The following TMEFF2 variants were observed in gnomAD, a reference collection of about 807,000 sequenced individuals.
TMEFF2 encodes the protein transmembrane protein with EGF like and two follistatin like domains 2, also known as tomoregulin-2.
Under a neutral mutation model 53.8 loss-of-function variants are expected in TMEFF2, and 28 were observed. The ratio of observed to expected loss-of-function variants is 0.52; its 90% CI spans 0.39 to 0.71. The LOEUF (loss-of-function observed/expected upper bound fraction) is 0.71, where lower values mean the gene tolerates loss of function less well. Among genes scored for constraint, TMEFF2 ranks in the 30% least tolerant of loss-of-function variants. The probability of loss-of-function intolerance (pLI) is 0.00; values close to 1 mark genes in which losing one functional copy is unlikely to be tolerated. For synonymous variants in TMEFF2, 162 were observed against 166.3 expected (o/e 0.97, Z 0.20); for missense variants, 353 against 455.2 (o/e 0.78, Z 2.04).
At chr2:192,026,035 GA>G (rs536933026) in intron 5 of TMEFF2, among the ~76,000 whole-genome samples, 5 of 151,930 alleles carry the variant, frequency 3.3e-5, no homozygotes, top group East Asian at 1.9e-4. Context: ...AAATGGTAAA[GA>G]AAAAAAATAC....
rs186198871 is a variant in TMEFF2, at chr2:192,130,975, G to A, written c.439+48693C>T. On this transcript the variant is annotated intron_variant, in intron 4 of 9. Transcript: ENST00000272771. The stretch of plus-strand genomic sequence containing the variant: ...CAGGGACGCCTGATTATTCACCCAC[G>A]TTTCAAGGGTGTCAGACCACGCAGG... Among the ~76,000 whole-genome samples, 1,007 of 151,680 alleles carry A rather than the reference G, an allele frequency of 6.6e-3. 11 individuals are homozygous for A. Among genetic ancestry groups the A allele is most frequent in the African/African-American group, 0.022 (914 of 41,358 alleles).
intron 5 of TMEFF2, among the ~76,000 whole-genome samples, chr2:192,014,813 CAA>C: frequency 6.6e-6 from 1 of 152,178 alleles, no homozygotes; most frequent in Middle Eastern, 3.4e-3. Context: ...TTAGGTAGAA[CAA>C]GAGGAAAAAT....
chr2:192,194,513 C>T lies in TMEFF2; in HGVS notation c.12G>A (p.Trp4Ter). ...AGCTGCTGCACTGCCGCGGGGACTC[C>T]CACAGCACCATGACTAGTTCGTGCA... The part of the protein sequence containing the change: MVL[W>*]ESPRQCSSWT... The change falls in exon 1 of 10, where the codon TGG (tryptophan) becomes TGA (stop). Residue 4 changes from tryptophan to a stop codon, truncating the protein, a stop_gained. Transcript: ENST00000272771. LOFTEE classifies it high-confidence loss of function. This position sits in a 1 kb window ranked among gnomAD's most constrained non-coding sequence, Gnocchi z 4.2. The T allele has an allele frequency of 6.2e-7, 1 of 1,613,454 alleles. No homozygotes were observed. The highest frequency in any genetic ancestry group is 8.5e-7 in the Non-Finnish European group (1 of 1,179,964).
At chr2:192,165,959 T>G (rs1279608590) in intron 4 of TMEFF2, among the ~76,000 whole-genome samples, 1 of 152,144 alleles carries the variant, frequency 6.6e-6, no homozygotes, top group East Asian at 1.9e-4. Context: ...TTATTCAGTG[T>G]AGTAGATCCC....
chr2:192,080,040 T>G (rs1688516865), intron 4 of TMEFF2, among the ~76,000 whole-genome samples: 1 of 152,168 alleles, frequency 6.6e-6, no homozygotes, highest in Non-Finnish European at 1.5e-5. Context: ...GATGATGACA[T>G]AGTCCAATAG....
At chr2:191,991,103 G>C (rs2105826382) in intron 7 of TMEFF2, among the ~76,000 whole-genome samples, 1 of 152,082 alleles carries the variant, frequency 6.6e-6, no homozygotes, top group East Asian at 1.9e-4. Context: ...ATGTTGACTA[G>C]AGGAAAACCA....
At chr2:192,040,587 AAG>A (rs972854384) in intron 5 of TMEFF2, among the ~76,000 whole-genome samples, 1 of 152,134 alleles carries the variant, frequency 6.6e-6, no homozygotes, top group Non-Finnish European at 1.5e-5. Context: ...GCCAAAAAGA[AAG>A]AGAAAAAAAT....
chr2:192,141,120 A>G (rs1182193047), intron 4 of TMEFF2, among the ~76,000 whole-genome samples: 1 of 152,126 alleles, frequency 6.6e-6, no homozygotes, highest in African/African-American at 2.4e-5. Flanking sequence ...AGGGTCCTGG[A>G]ACCAGAGAAG....
chr2:192,176,122 T>C (rs1048619814), intron 4 of TMEFF2, among the ~76,000 whole-genome samples: 1 of 151,356 alleles, frequency 6.6e-6, no homozygotes, highest in Admixed American at 6.6e-5. Flanking sequence ...CGTTTTCTTA[T>C]TTACAACATT....
At chr2:191,984,713 G>A (rs1685935352) in intron 7 of TMEFF2, among the ~76,000 whole-genome samples, 1 of 152,010 alleles carries the variant, frequency 6.6e-6, no homozygotes, top group African/African-American at 2.4e-5. Context: ...TCGTCCATTA[G>A]TTAGAAACCC....
At chr2:192,098,405 A>C (rs1574370932) in intron 4 of TMEFF2, among the ~76,000 whole-genome samples, 1 of 152,218 alleles carries the variant, frequency 6.6e-6, no homozygotes, top group African/African-American at 2.4e-5. Context: ...TGCTCCAAAA[A>C]ATTTCTTCAT....
intron 4 of TMEFF2, among the ~76,000 whole-genome samples, chr2:192,133,418 C>G (rs1689909259): frequency 6.6e-6 from 1 of 152,192 alleles, no homozygotes; most frequent in African/African-American, 2.4e-5. Flanking sequence ...CATCCCACAG[C>G]ATGCTCTGAA....
At chr2:192,027,319 T>A (rs1375282221) in intron 5 of TMEFF2, among the ~76,000 whole-genome samples, 3 of 152,230 alleles carry the variant, frequency 2.0e-5, no homozygotes, top group Non-Finnish European at 4.4e-5. Flanking sequence ...ATTCACTTAT[T>A]CATTCATTCC....
chr2:192,037,643 A>AAGAG (rs34986284), intron 5 of TMEFF2, among the ~76,000 whole-genome samples: 4 of 143,194 alleles, frequency 2.8e-5, no homozygotes, highest in African/African-American at 1.1e-4. Context: ...AAGAGAGAGA[A>AAGAG]AGAGAGAGAG....
At chr2:192,130,898 C>T (rs928750784) in intron 4 of TMEFF2, among the ~76,000 whole-genome samples, 7 of 150,394 alleles carry the variant, frequency 4.7e-5, no homozygotes, top group East Asian at 2.1e-4. Context: ...CCCAAAACTC[C>T]GGCGCTGGTC....
chr2:191,964,372 C>CTT (rs1324161895), intron 7 of TMEFF2, among the ~76,000 whole-genome samples: 5,077 of 75,534 alleles, frequency 0.067, 201 homozygotes, highest in Non-Finnish European at 0.075. Flanking sequence ...TTCTTTCTTT[C>CTT]TCTTTCTTTC....
At position 192,194,704 on chromosome 2, in the gene TMEFF2, C is replaced by T; in HGVS notation, c.-180G>A. The T allele has an allele frequency of 1.5e-6, 1 of 647,018 alleles. No homozygotes were observed. Among genetic ancestry groups the T allele is most frequent in the South Asian group, 1.9e-5 (1 of 53,050 alleles). 40.1% of individuals were successfully genotyped at this position (647,018 alleles called of 1,614,324 possible). On this transcript the variant is annotated 5_prime_UTR_variant, in exon 1 of 10. It removes an upstream start codon present in the reference 5' UTR. Coordinates refer to ENST00000272771, the MANE Select transcript of TMEFF2 (RefSeq NM_016192.4). The surrounding 1 kb of genome is among the most constrained non-coding windows in gnomAD (Gnocchi z 4.2). ...CGCATGATCTCGAGAGTTTCAGCAA[C>T]ATCCAGGGACTGGGCTCAGCCCCGG...
At chr2:192,032,416 C>T (rs935508589) in intron 5 of TMEFF2, 6 of 152,078 alleles carry the variant, frequency 3.9e-5, no homozygotes. Context: ...GAAAATGATT[C>T]TTTTATTGGG....
chr2:191,969,166 T>TAG (rs141807627), intron 7 of TMEFF2, among the ~76,000 whole-genome samples: 1 of 150,248 alleles, frequency 6.7e-6, no homozygotes, highest in African/African-American at 2.5e-5. Context: ...TATATATATA[T>TAG]AGAGAGAGAG....
Sources: gnomAD v4.1 joint callset for allele counts (sites outside exome capture counted in the v4.1 genomes callset) on GRCh38, gnomAD v4.1.1 for gene constraint, Gnocchi (gnomAD v3.1) non-coding constraint, MANE v1.5 for transcripts, NCBI Gene and HGNC (gene_info 2026-07-23, HGNC 2026-07-21) for gene names.